The following PCNT variants were observed in gnomAD, a reference collection of about 807,000 sequenced individuals.
PCNT encodes the protein kendrin.
Under a neutral mutation model 380.4 loss-of-function variants are expected in PCNT, and 319 were observed. The ratio of observed to expected loss-of-function variants is 0.84; its 90% CI spans 0.77 to 0.92. The LOEUF (loss-of-function observed/expected upper bound fraction) is 0.92, where lower values mean the gene tolerates loss of function less well. Among genes scored for constraint, PCNT ranks in the 40% least tolerant of loss-of-function variants. The pLI, the probability that PCNT is intolerant of heterozygous loss-of-function variation, is 0.00. For synonymous variants in PCNT, 1,845 were observed against 1,735.2 expected (o/e 1.06, Z -1.57); for missense variants, 4,400 against 4,255.3 (o/e 1.03, Z -0.95).
chr21:46,426,066 TTTC>T, intron 33 of PCNT, 95 bp downstream of exon 33: 10 of 972,702 alleles, frequency 1.0e-5, no homozygotes, highest in Admixed American at 3.1e-5. Flanking sequence ...CTAGGATTTC[TTTC>T]TTTTTTTTTT....
chr21:46,333,440 CAAA>C (rs1254789179), intron 2 of PCNT, among the ~76,000 whole-genome samples: 1 of 150,826 alleles, frequency 6.6e-6, no homozygotes, highest in Non-Finnish European at 1.5e-5. Context: ...TCAAAAAAGA[CAAA>C]AAAGAAAAAA....
chr21:46,415,170 G>A lies in PCNT; in HGVS notation c.6151-899G>A, dbSNP rs12481840. On this transcript the variant is annotated intron_variant, in intron 29 of 46. Coordinates refer to ENST00000359568, the MANE Select transcript of PCNT (RefSeq NM_006031.6). ...TCCACACTGCGTGCACCTCATTGGC[G>A]TTTAGAGCCTGAAAGATTCTTAATT... Among the ~76,000 whole-genome samples the A allele has an allele frequency of 9.0e-3, 1,366 of 152,292 alleles. 11 individuals carry two copies. The highest frequency in any genetic ancestry group is 0.014 in the Non-Finnish European group (961 of 68,024).
chr21:46,436,827 C>T lies in PCNT; in HGVS notation c.8997-152C>T, dbSNP rs543214978. On this transcript the variant is annotated intron_variant, in intron 39 of 46. Coordinates refer to ENST00000359568, the MANE Select transcript of PCNT (RefSeq NM_006031.6). ...CACAGGCCTGTTGCCCCCGTGGGCC[C>T]CTGGCTCTGCCTCACGGCTGGACGA... 4 of 692,132 alleles carry T rather than the reference C, an allele frequency of 5.8e-6. No individual in the cohort carries two copies. The Admixed American group carries it at 8.4e-5, about 15-fold the overall frequency. The allele number at this position is 692,132 out of a possible 1,614,324, so 42.9% of individuals were successfully genotyped here. A position where few individuals can be genotyped will look rare whatever the true frequency, so the allele number is the denominator to read the frequency against.
chr21:46,391,191 C>T lies in PCNT; in HGVS notation c.4031C>T (p.Thr1344Ile). 1 of 1,606,902 alleles carries T rather than the reference C, an allele frequency of 6.2e-7. No homozygotes were observed. The highest frequency in any genetic ancestry group is 1.1e-5 in the South Asian group (1 of 89,272). ...QGTLEGFKVE[T>I]ADLKEVLAGK... ...ACCCTTGAGGGATTCAAGGTGGAGA[C>T]AGCAGATCTGAAGGAGGTGCTGGCC... The change falls in exon 21 of 47, where the codon ACA becomes ATA. Residue 1344 changes from threonine (T) to isoleucine (I), a missense_variant. By Grantham distance (89) the Thr-to-Ile change is moderately conservative (BLOSUM62 -1). Transcript: ENST00000359568.
In PCNT at chr21:46,349,815, C is replaced by T. The variant is rs768400191; in HGVS notation, c.1339C>T (p.Leu447=). Residue 447 remains leucine (L), a synonymous_variant, in exon 8 of 47, where the codon CTG becomes TTG. Transcript: ENST00000359568. ...CAAAGAGAGCGAGAAAGAAAAACAG[C>T]TGGAGGTGGGCAGCAGCTTCGTTAT... ...KFKESEKEKQ[L]ELENLQASYE... 7 of 1,613,936 alleles carry T rather than the reference C, an allele frequency of 4.3e-6. No homozygotes were observed. The highest frequency in any genetic ancestry group is 5.1e-6 in the Non-Finnish European group (6 of 1,179,916).
intron 29 of PCNT, among the ~76,000 whole-genome samples, chr21:46,415,653 G>C (rs2086998945): frequency 6.6e-6 from 1 of 152,102 alleles, no homozygotes; most frequent in Non-Finnish European, 1.5e-5. Context: ...AAAATGCTAG[G>C]ATTACAGGCG....
rs1173083356 is a variant in PCNT at position 46,334,582 on chromosome 21, C to T, written c.453C>T (p.His151=). ...GTGGGATGTTCACAGTCAGTGACCA[C>T]CCACCAGAACAGCATGGGATGTTCA... ...EQRGMFTVSD[H]PPEQHGMFTV... The change falls in exon 3 of 47, where the codon CAC becomes CAT. Residue 151 remains histidine (H), a synonymous_variant. Transcript: ENST00000359568. The T allele has an allele frequency of 6.4e-7, 1 of 1,574,176 alleles. No individual in the cohort carries two copies. Among genetic ancestry groups the T allele is most frequent in the Admixed American group, 1.7e-5 (1 of 58,732 alleles).
intron 3 of PCNT, among the ~76,000 whole-genome samples, chr21:46,338,905 C>T (rs1048034317): frequency 3.3e-5 from 5 of 152,188 alleles, no homozygotes; most frequent in South Asian, 2.1e-4. Flanking sequence ...CTCAGCCTCC[C>T]GAGTACCTGG....
chr21:46,419,758 C>G (rs776938904), intron 31 of PCNT, among the ~76,000 whole-genome samples: 1 of 152,136 alleles, frequency 6.6e-6, no homozygotes, highest in Non-Finnish European at 1.5e-5. Context: ...TCTTATTTAC[C>G]GAGACAGGGT....
At chr21:46,409,190 C>CTTTTTTTTTTT (rs11399485) in intron 27 of PCNT, among the ~76,000 whole-genome samples, 3 of 123,996 alleles carry the variant, frequency 2.4e-5, no homozygotes, top group Non-Finnish European at 3.3e-5. Context: ...AAACTTTTTA[C>CTTTTTTTTTTT]TTTTTTTTTT....
At chr21:46,328,253 T>TG (rs925017483) in intron 2 of PCNT, among the ~76,000 whole-genome samples, 2 of 57,864 alleles carry the variant, frequency 3.5e-5, no homozygotes, top group South Asian at 4.6e-4. Context: ...TGGGTTGGTG[T>TG]GTTTTTTTTT....
intron 1 of PCNT, chr21:46,324,956 T>G: frequency 1.0e-6 from 1 of 980,056 alleles, no homozygotes; most frequent in Non-Finnish European, 1.2e-6. Context: ...CCCGCGCCCT[T>G]GGGCTCGCGT....
At chr21:46,385,127 G>A in intron 16 of PCNT, among the ~76,000 whole-genome samples, 1 of 152,212 alleles carries the variant, frequency 6.6e-6, no homozygotes, top group Admixed American at 6.5e-5. Flanking sequence ...GGCTGAGGCA[G>A]GAGGACCACT....
chr21:46,338,471 T>G (rs893436940), intron 3 of PCNT, among the ~76,000 whole-genome samples: 1 of 152,226 alleles, frequency 6.6e-6, no homozygotes, highest in Non-Finnish European at 1.5e-5. Context: ...AGCTTTAGAT[T>G]GATCAGTAGC....
chr21:46,357,314 A>T, intron 13 of PCNT, 123 bp downstream of exon 13: 1 of 760,752 alleles, frequency 1.3e-6, no homozygotes, highest in Admixed American at 1.8e-5. Context: ...TACATGGCAC[A>T]TTTGTAAGGG....
intron 15 of PCNT, among the ~76,000 whole-genome samples, chr21:46,369,570 A>G (rs1386016490): frequency 2.0e-5 from 3 of 152,254 alleles, no homozygotes; most frequent in African/African-American, 7.2e-5. Flanking sequence ...TGGATTTAAA[A>G]TTAGGTTTTC....
In PCNT at chr21:46,391,356, A is replaced by G; in HGVS notation, c.4196A>G (p.Asp1399Gly). ...AGTCGGGGGGAGGCCACAGCCACGGACGCCGAGGCCAGAGAAGCTGGTAAG... is the reference window on the plus strand; with the variant it reads ...AGTCGGGGGGAGGCCACAGCCACGGGCGCCGAGGCCAGAGAAGCTGGTAAG... ...LWSRGEATATDAEAREAALRK... is the reference protein window; with the variant it reads ...LWSRGEATATGAEAREAALRK... Residue 1399 changes from aspartate to glycine, a missense_variant, in exon 21 of 47, where the codon GAC (aspartate) becomes GGC (glycine). Coordinates refer to ENST00000359568, the MANE Select transcript of PCNT (RefSeq NM_006031.6). The G allele has an allele frequency of 6.4e-7, 1 of 1,551,598 alleles. No individual in the cohort carries two copies.
At chr21:46,359,254 C>T (rs1332912309) in intron 13 of PCNT, among the ~76,000 whole-genome samples, 1 of 146,312 alleles carries the variant, frequency 6.8e-6, no homozygotes. Context: ...AACCTGGCTC[C>T]AGGTGACTTT....
Position 46,431,627 on chromosome 21 carries a change from G to GC in PCNT, c.8164dup (p.Leu2722ProfsTer21). ...CGGCCAAGGACAACCTGCAGAAGGA[G>GC]CTGCGTATCGAGCACTCACGCTGCG... On this transcript the variant is annotated frameshift_variant, in exon 38 of 47. Coordinates refer to ENST00000359568, the MANE Select transcript of PCNT (RefSeq NM_006031.6). LOFTEE classifies it high-confidence loss of function. 1 of 1,614,004 alleles carries GC rather than the reference G, an allele frequency of 6.2e-7. No individual in the cohort carries two copies. The highest frequency in any genetic ancestry group is 8.5e-7 in the Non-Finnish European group (1 of 1,179,932).
Sources: gnomAD v4.1 joint callset for allele counts (sites outside exome capture counted in the v4.1 genomes callset) on GRCh38, gnomAD v4.1.1 for gene constraint, MANE v1.5 for transcripts, NCBI Gene and HGNC (gene_info 2026-07-23, HGNC 2026-07-21) for gene names.